HSPA4L: variants seen among roughly 807,000 people sequenced by gnomAD.
HSPA4L encodes heat shock protein family A (Hsp70) member 4 like.
Under a neutral mutation model 100.3 loss-of-function variants are expected in HSPA4L, and 48 were observed. The ratio of observed to expected loss-of-function variants is 0.48; its 90% CI spans 0.38 to 0.61. HSPA4L has a LOEUF of 0.61. Among genes scored for constraint, HSPA4L ranks in the 20% least tolerant of loss-of-function variants. HSPA4L has a pLI of 0.00. For missense variants in HSPA4L, 886 were observed against 988.6 expected, an observed-to-expected ratio of 0.90 and a Z score of 1.39; for synonymous variants, 319 against 328.2, an observed-to-expected ratio of 0.97 and a Z score of 0.30.
intron 5 of HSPA4L, among the ~76,000 whole-genome samples, chr4:127,801,458 CGTGTGTGTGTGTGTGTGTGT>C (rs33966471): frequency 1.7e-4 from 24 of 144,854 alleles, no homozygotes; most frequent in East Asian, 4.1e-4. Flanking sequence ...TATAAAAATA[CGTGTGTGTGTGTGTGTGTGT>C]GTGTGTGTGT....
chr4:127,808,210 C>A, intron 11 of HSPA4L, 81 bp downstream of exon 11: 1 of 1,184,474 alleles, frequency 8.4e-7, no homozygotes, highest in Non-Finnish European at 1.2e-6. Context: ...AACAAATAGA[C>A]ATTTCAGCTA....
rs1299269471 is a variant in HSPA4L at position 127,839,340 on chromosome 4, A to ACTT, written c.*6467_*6469dup. 1.3e-5 allele frequency: 2 copies of ACTT among 152,292 alleles called. No homozygotes were observed. The highest frequency in any genetic ancestry group is 2.9e-5 in the Non-Finnish European group (2 of 68,190). 9.4% of individuals were successfully genotyped at this position (152,292 alleles called of 1,614,324 possible). On this transcript the variant is annotated 3_prime_UTR_variant, in exon 19 of 19. Coordinates refer to ENST00000296464, the MANE Select transcript of HSPA4L (RefSeq NM_014278.4). ...AGTGGCTCACGCCTGTAATCCCAGC[A>ACTT]CTTTGGGAGGCCGAGGCAGGTGGAT...
chr4:127,812,648 GTTTGTTTTTGT>G (rs1733566854), intron 12 of HSPA4L: 1 of 667,374 alleles, frequency 1.5e-6, no homozygotes, highest in East Asian at 2.7e-5. Flanking sequence ...TTTTTTGTTT[GTTTGTTTTTGT>G]TTTGTTTTGT....
At chr4:127,798,557 CTT>C (rs1334056203) in intron 3 of HSPA4L, 28 bp from the exon 4 acceptor site, 4 of 1,610,020 alleles carry the variant, frequency 2.5e-6, no homozygotes, top group Non-Finnish European at 2.5e-6. Flanking sequence ...ACAAATGACT[CTT>C]AATAAATATC....
In HSPA4L at chr4:127,828,470, C is replaced by CTTATTGAGG. The variant is rs1734002970; in HGVS notation, c.2166+1049_2166+1057dup. 3.3e-5 allele frequency among the ~76,000 whole-genome samples: 5 copies of CTTATTGAGG among 152,208 alleles called. No homozygotes were observed. The East Asian group carries it at 9.6e-4, about 29-fold the overall frequency. On this transcript the variant is annotated intron_variant, in intron 17 of 18. Transcript: ENST00000296464. The stretch of plus-strand genomic sequence containing the variant: ...TAAGAAAACGGAAATACTTAAGCAA[C>CTTATTGAGG]TTATTGAGGTTTACCCAAGTAGTTA...
At chr4:127,809,629 G>A (rs771733279) in intron 11 of HSPA4L, among the ~76,000 whole-genome samples, 24 of 152,132 alleles carry the variant, frequency 1.6e-4, no homozygotes, top group Non-Finnish European at 5.9e-5. Flanking sequence ...CAGAAAGAAG[G>A]GTAATCAGGA....
chr4:127,804,864 C>G (rs552207420), intron 8 of HSPA4L, among the ~76,000 whole-genome samples: 8 of 152,200 alleles, frequency 5.3e-5, no homozygotes, highest in South Asian at 2.1e-4. Context: ...TATTGCCACT[C>G]CATCATCTGG....
chr4:127,822,499 G>C (rs531420486), intron 14 of HSPA4L, among the ~76,000 whole-genome samples: 1 of 152,166 alleles, frequency 6.6e-6, no homozygotes, highest in African/African-American at 2.4e-5. Flanking sequence ...TCAAGTCTCT[G>C]CTTTCAATTT....
chr4:127,801,336 A>G, intron 5 of HSPA4L, 99 bp downstream of exon 5: 1 of 818,974 alleles, frequency 1.2e-6, no homozygotes, highest in Admixed American at 2.9e-5. Flanking sequence ...CTCCAAGGCA[A>G]GAGGATTGCT....
Position 127,830,620 on chromosome 4 carries a change from C to T in HSPA4L, c.2167-18C>T. Reference sequence around the variant, plus strand: ...GAAAAATCATTAACATGCAGTCAAGCTTTTTTTTTTTAAATAGGATGAAAG... The same window carrying T: ...GAAAAATCATTAACATGCAGTCAAGTTTTTTTTTTTTAAATAGGATGAAAG... On this transcript the variant is annotated intron_variant, in intron 17 of 18. Transcript: ENST00000296464. 2 of 1,233,122 alleles carry T rather than the reference C, an allele frequency of 1.6e-6. No individual in the cohort carries two copies. Among genetic ancestry groups the T allele is most frequent in the Non-Finnish European group, 2.2e-6 (2 of 910,788 alleles). 76.4% of individuals were successfully genotyped at this position (1,233,122 alleles called of 1,614,324 possible). A position where few individuals can be genotyped will look rare whatever the true frequency, so the allele number is the denominator to read the frequency against.
chr4:127,805,670 A>G lies in HSPA4L; in HGVS notation c.1138-17A>G, dbSNP rs1302658509. ...TTGTATTTGTTGATTTAAATATGGT[A>G]TACATCTTATTTTCAGTGTGCGATT... On this transcript the variant is annotated splice_polypyrimidine_tract_variant and intron_variant, in intron 9 of 18. Coordinates refer to ENST00000296464, the MANE Select transcript of HSPA4L (RefSeq NM_014278.4). 12 of 1,561,142 alleles carry G rather than the reference A, an allele frequency of 7.7e-6. No homozygotes were observed. Among genetic ancestry groups the G allele is most frequent in the Non-Finnish European group, 1.1e-5 (12 of 1,132,992 alleles).
chr4:127,783,426 C>G, intron 1 of HSPA4L: 1 of 1,223,292 alleles, frequency 8.2e-7, no homozygotes, highest in East Asian at 2.9e-5. Context: ...TCGGGGGCAG[C>G]TGTCCCGTAT....
Position 127,833,030 on chromosome 4 carries a change from C to T in HSPA4L, c.*156C>T. 4.1e-6 allele frequency: 2 copies of T among 491,748 alleles called. No homozygotes were observed. Among genetic ancestry groups the T allele is most frequent in the Non-Finnish European group, 7.0e-6 (2 of 284,524 alleles). The allele number at this position is 491,748 out of a possible 1,614,324, so 30.5% of individuals were successfully genotyped here. A position where few individuals can be genotyped will look rare whatever the true frequency, so the allele number is the denominator to read the frequency against. ...TGAAAAGTGTTTTATATTGAGTGCA[C>T]TTCTGTTCATTTCCATTGCTGCTTA... On this transcript the variant is annotated 3_prime_UTR_variant, in exon 19 of 19. Coordinates refer to ENST00000296464, the MANE Select transcript of HSPA4L (RefSeq NM_014278.4).
chr4:127,787,062 C>G (rs1732738288), intron 1 of HSPA4L, among the ~76,000 whole-genome samples: 1 of 152,118 alleles, frequency 6.6e-6, no homozygotes, highest in Non-Finnish European at 1.5e-5. Context: ...CTTTATGATT[C>G]TTCAATATTC....
intron 11 of HSPA4L, among the ~76,000 whole-genome samples, chr4:127,808,483 C>G (rs927902019): frequency 6.6e-6 from 1 of 151,870 alleles, no homozygotes. Context: ...CATAATTAAC[C>G]TAGAGATGAT....
intron 16 of HSPA4L, among the ~76,000 whole-genome samples, chr4:127,825,926 C>CAAAAAAAAAAAAAAAAAAA (rs78623521): frequency 1.7e-5 from 1 of 57,232 alleles, no homozygotes. Flanking sequence ...AACTCCATCT[C>CAAAAAAAAAAAAAAAAAAA]AAAAAAAAAA....
In HSPA4L at chr4:127,838,882, T is replaced by TAATA. The variant is rs1438818272; in HGVS notation, c.*6009_*6012dup. 6.6e-6 allele frequency: 1 copy of TAATA among 152,230 alleles called. No individual in the cohort carries two copies. Among genetic ancestry groups the TAATA allele is most frequent in the African/African-American group, 2.4e-5 (1 of 41,466 alleles). 9.4% of individuals were successfully genotyped at this position (152,230 alleles called of 1,614,324 possible). A position where few individuals can be genotyped will look rare whatever the true frequency, so the allele number is the denominator to read the frequency against. The stretch of plus-strand genomic sequence containing the variant: ...ATTTTATTACTTTTTGTTTCCTTTT[T>TAATA]AATATTTATTCTTCCCGTTAAGGGT... On this transcript the variant is annotated 3_prime_UTR_variant, in exon 19 of 19. Coordinates refer to ENST00000296464, the MANE Select transcript of HSPA4L (RefSeq NM_014278.4).
intron 1 of HSPA4L, among the ~76,000 whole-genome samples, chr4:127,788,909 T>C (rs1205513406): frequency 6.6e-6 from 1 of 152,230 alleles, no homozygotes; most frequent in African/African-American, 2.4e-5. Flanking sequence ...GATTTAAACC[T>C]ATGGATTACA....
rs186425687 is a variant in HSPA4L at position 127,797,625 on chromosome 4, G to A, written c.307-962G>A. On this transcript the variant is annotated intron_variant, in intron 3 of 18. Coordinates refer to ENST00000296464, the MANE Select transcript of HSPA4L (RefSeq NM_014278.4). Reference sequence around the variant, plus strand: ...AAATTTTTTTTTTTTTTTTTGAGACGGAGTCTTGCTCTGTCTCCCAGGCTG... The same window carrying A: ...AAATTTTTTTTTTTTTTTTTGAGACAGAGTCTTGCTCTGTCTCCCAGGCTG... Among the ~76,000 whole-genome samples the A allele has an allele frequency of 1.7e-3, 234 of 138,048 alleles. 1 individual carries two copies. Among genetic ancestry groups the A allele is most frequent in the African/African-American group, 6.2e-3 (221 of 35,772 alleles). The allele number at this position is 138,048 out of a possible 152,430, so 90.6% of individuals were successfully genotyped here. A position where few individuals can be genotyped will look rare whatever the true frequency, so the allele number is the denominator to read the frequency against.
Sources: gnomAD v4.1 joint callset for allele counts (sites outside exome capture counted in the v4.1 genomes callset) on GRCh38, gnomAD v4.1.1 for gene constraint, MANE v1.5 for transcripts, NCBI Gene and HGNC (gene_info 2026-07-23, HGNC 2026-07-21) for gene names.